The following SLC22A4 variants were observed in gnomAD, a reference collection of about 807,000 sequenced individuals.
The protein encoded by SLC22A4 is ET transporter.
In SLC22A4, 39 loss-of-function variants were observed where a neutral mutation model predicts 56.6. That is an observed-to-expected ratio of 0.69 (90% CI 0.53 to 0.90). SLC22A4 has a LOEUF of 0.90. Among genes scored for constraint, SLC22A4 ranks in the 40% least tolerant of loss-of-function variants. SLC22A4 has a pLI of 0.00. For missense variants in SLC22A4, 594 were observed against 696.5 expected (o/e 0.85, Z 1.66); for synonymous variants, 241 against 281.4 (o/e 0.86, Z 1.44).
chr5:132,294,559 T>TGA lies in SLC22A4; in HGVS notation c.-57_-56insAG. 25 of 1,612,430 alleles carry TGA rather than the reference T, an allele frequency of 1.6e-5. No homozygotes were observed. The highest frequency in any genetic ancestry group is 2.1e-5 in the Non-Finnish European group (25 of 1,179,260). ...GGGGAGCGCCCCAGCTACAAGACAC[T>TGA]GTCCTGAGAACGCTGTCATCACCCG... On this transcript the variant is annotated 5_prime_UTR_variant, in exon 1 of 10. Coordinates refer to ENST00000200652, the MANE Select transcript of SLC22A4 (RefSeq NM_003059.3). This position sits in a 1 kb window ranked among gnomAD's most constrained non-coding sequence, Gnocchi z 5.6.
chr5:132,327,452 TTTTATGGAATTTAACTTAA>T (rs1750719988), intron 5 of SLC22A4, 49 bp downstream of exon 5: 4 of 1,541,324 alleles, frequency 2.6e-6, no homozygotes, highest in Non-Finnish European at 3.6e-6. Flanking sequence ...GCATTCTTGA[TTTTATGGAATTTAACTTAA>T]TTCAATATTT....
chr5:132,295,005 C>T lies in SLC22A4; in HGVS notation c.389C>T (p.Thr130Ile), dbSNP rs1350334530. The change falls in exon 1 of 10, where the codon ACC (threonine) becomes ATC (isoleucine). Residue 130 changes from threonine to isoleucine, a missense_variant. Coordinates refer to ENST00000200652, the MANE Select transcript of SLC22A4 (RefSeq NM_003059.3). ...SQDVYLSTVVTEWNLVCEDNW... is the reference protein window; with the variant it reads ...SQDVYLSTVVIEWNLVCEDNW... ...GACGTCTACCTGTCCACCGTCGTGA[C>T]CGAGGTGGGTGCCAGGCCGAGACCG... The T allele has an allele frequency of 6.2e-7, 1 of 1,605,510 alleles. No individual in the cohort carries two copies. The highest frequency in any genetic ancestry group is 8.5e-7 in the Non-Finnish European group (1 of 1,176,734).
In SLC22A4 at chr5:132,323,578, C is replaced by A. The variant is rs139603432; in HGVS notation, c.824+1223C>A. Among the ~76,000 whole-genome samples, 21 of 152,324 alleles carry A rather than the reference C, an allele frequency of 1.4e-4. No homozygotes were observed. In the East Asian group the frequency reaches 3.7e-3, roughly 27 times the overall value. ...ATTCCTCTGGAACCCTGTCTGAGGACCGGGAAACCCGGCCTGAGGAGCAGT... is the reference window on the plus strand; with the variant it reads ...ATTCCTCTGGAACCCTGTCTGAGGAACGGGAAACCCGGCCTGAGGAGCAGT... On this transcript the variant is annotated intron_variant, in intron 4 of 9. Transcript: ENST00000200652.
intron 1 of SLC22A4, among the ~76,000 whole-genome samples, chr5:132,304,584 TC>T (rs1477229504): frequency 1.1e-4 from 17 of 152,220 alleles, no homozygotes; most frequent in African/African-American, 3.4e-4. Flanking sequence ...GCCACTGTAC[TC>T]TAGCTTGGGC....
rs1363033887 is a variant in SLC22A4, at chr5:132,313,764, A to G, written c.648A>G (p.Ile216Met). The G allele has an allele frequency of 1.2e-6, 2 of 1,613,960 alleles. No homozygotes were observed. Among genetic ancestry groups the G allele is most frequent in the Non-Finnish European group, 1.7e-6 (2 of 1,179,932 alleles). ...TCTCCAACTATGTGGTAGCCTTCAT[A>G]CTAGGTAGGAATGGCTTCTGGGACA... is the stretch of plus-strand genomic sequence containing the variant. ...GQISNYVVAF[I>M]LGTEILGKSV... Residue 216 changes from isoleucine to methionine, a missense_variant, in exon 3 of 10, where the codon ATA becomes ATG. Ile to Met is a conservative substitution (Grantham distance 10). Coordinates refer to ENST00000200652, the MANE Select transcript of SLC22A4 (RefSeq NM_003059.3).
At chr5:132,317,389 C>T (rs1750392485) in intron 3 of SLC22A4, among the ~76,000 whole-genome samples, 1 of 152,212 alleles carries the variant, frequency 6.6e-6, no homozygotes, top group Non-Finnish European at 1.5e-5. Context: ...TTACTTTCTG[C>T]CTTTAATGGA....
Position 132,334,846 on chromosome 5 carries a change from T to C in SLC22A4, c.1175T>C (p.Leu392Ser), listed in dbSNP as rs1406350613. The C allele has an allele frequency of 6.2e-7, 1 of 1,614,044 alleles. No homozygotes were observed. Among genetic ancestry groups the C allele is most frequent in the East Asian group, 2.2e-5 (1 of 44,890 alleles). Residue 392 changes from leucine to serine, a missense_variant, in exon 7 of 10, where the codon TTG (leucine) becomes TCG (serine). Coordinates refer to ENST00000200652, the MANE Select transcript of SLC22A4 (RefSeq NM_003059.3). ...IPAYITAWLL[L>S]RTLPRRYIIA... ...GCTTACATTACAGCCTGGCTGCTAT[T>C]GCGAACCCTGCCCAGGCGTTATATC...
At position 132,322,176 on chromosome 5, in the gene SLC22A4, T is replaced by C; in HGVS notation, c.653-8T>C. 6.2e-7 allele frequency: 1 copy of C among 1,611,748 alleles called. No individual in the cohort carries two copies. The highest frequency in any genetic ancestry group is 8.5e-7 in the Non-Finnish European group (1 of 1,178,624). On this transcript the variant is annotated splice_region_variant and splice_polypyrimidine_tract_variant and intron_variant, in intron 3 of 9. Transcript: ENST00000200652. The stretch of plus-strand genomic sequence containing the variant: ...AATATGCTAATACTCCTCCCTTGTT[T>C]TGAACAGGAACAGAAATTCTTGGCA...
intron 1 of SLC22A4, among the ~76,000 whole-genome samples, chr5:132,308,960 CAT>C (rs1158872160): frequency 2.0e-5 from 3 of 152,318 alleles, no homozygotes; most frequent in Admixed American, 6.5e-5. Context: ...TATGTACAAA[CAT>C]GTGCAGGGAC....
At position 132,294,796 on chromosome 5, in the gene SLC22A4, C is replaced by T; in HGVS notation, c.180C>T (p.Ser60=). 1 of 1,613,070 alleles carries T rather than the reference C, an allele frequency of 6.2e-7. No homozygotes were observed. Among genetic ancestry groups the T allele is most frequent in the Non-Finnish European group, 8.5e-7 (1 of 1,179,974 alleles). Residue 60 remains serine (S), a synonymous_variant, in exon 1 of 10, where the codon AGC becomes AGT. Coordinates refer to ENST00000200652, the MANE Select transcript of SLC22A4 (RefSeq NM_003059.3). This position sits in a 1 kb window ranked among gnomAD's most constrained non-coding sequence, Gnocchi z 5.6. ...TGCCGGACGCCGCGAACCTGAGCAG[C>T]GCCTGGCGCAACAACAGTGTCCCGC... ...CRVPDAANLS[S]AWRNNSVPLR...
At chr5:132,319,409 CT>C (rs1390975786) in intron 3 of SLC22A4, among the ~76,000 whole-genome samples, 1 of 152,070 alleles carries the variant, frequency 6.6e-6, no homozygotes, top group African/African-American at 2.4e-5. Flanking sequence ...TGAAGAACTG[CT>C]TTATAAGGCC....
At chr5:132,301,049 G>A (rs1231197772) in intron 1 of SLC22A4, among the ~76,000 whole-genome samples, 1 of 152,240 alleles carries the variant, frequency 6.6e-6, no homozygotes, top group Non-Finnish European at 1.5e-5. Flanking sequence ...CTCCTGCCCT[G>A]AGGCTAAAGG....
intron 9 of SLC22A4, among the ~76,000 whole-genome samples, chr5:132,342,376 T>G (rs767063035): frequency 2.6e-5 from 4 of 152,238 alleles, no homozygotes; most frequent in Non-Finnish European, 5.9e-5. Flanking sequence ...TTGTCCACAT[T>G]AATAAGGAAA....
Position 132,312,254 on chromosome 5 carries a change from CTGTCA to C in SLC22A4, c.488_492del (p.Leu163ArgfsTer115). On this transcript the variant is annotated frameshift_variant, in exon 2 of 10. Transcript: ENST00000200652. LOFTEE classifies it high-confidence loss of function. The stretch of plus-strand genomic sequence containing the variant: ...CCTCGGCTCCTTCGTGTCCGGGCAG[CTGTCA>C]GACAGGTAAGCACATGGGAGGGGAG... 6.2e-7 allele frequency: 1 copy of C among 1,610,290 alleles called. No individual in the cohort carries two copies. The highest frequency in any genetic ancestry group is 8.5e-7 in the Non-Finnish European group (1 of 1,176,528).
At chr5:132,324,438 G>C (rs912743971) in intron 4 of SLC22A4, 17 of 466,046 alleles carry the variant, frequency 3.6e-5, no homozygotes, top group Non-Finnish European at 5.3e-5. Context: ...GCCCTAAGGA[G>C]AGCTTTTTCT....
intron 1 of SLC22A4, among the ~76,000 whole-genome samples, chr5:132,298,480 G>A (rs552123703): frequency 2.0e-4 from 30 of 152,348 alleles, no homozygotes; most frequent in South Asian, 8.3e-4. Flanking sequence ...GTAGGGAGTC[G>A]TTGTTTCATG....
chr5:132,324,587 C>T (rs976982701), intron 4 of SLC22A4: 4 of 471,048 alleles, frequency 8.5e-6, no homozygotes, highest in Non-Finnish European at 8.8e-6. Flanking sequence ...TACCAGTGGT[C>T]TTACCATTTT....
intron 2 of SLC22A4, 35 bp downstream of exon 2, chr5:132,312,299 G>A: frequency 7.7e-7 from 1 of 1,294,876 alleles, no homozygotes; most frequent in Non-Finnish European, 1.1e-6. Flanking sequence ...GTGGGATGGT[G>A]CCCCTTGTCA....
At position 132,309,548 on chromosome 5, in the gene SLC22A4, C is replaced by T. The variant is rs151073033; in HGVS notation, c.394-2613C>T. Among the ~76,000 whole-genome samples the T allele has an allele frequency of 7.4e-4, 113 of 152,328 alleles. 2 individuals carry two copies. In the South Asian group the frequency reaches 8.7e-3, roughly 12 times the overall value. ...GGAGAATGATGGGAGATGGCCCTCA[C>T]CTCACCCCCCTTCCCAGTGTCCCCA... is the stretch of plus-strand genomic sequence containing the variant. On this transcript the variant is annotated intron_variant, in intron 1 of 9. Transcript: ENST00000200652.
Sources: allele counts gnomAD v4.1 joint callset (sites outside exome capture counted in the v4.1 genomes callset), GRCh38; gene constraint gnomAD v4.1.1; non-coding constraint Gnocchi (gnomAD v3.1); transcripts MANE v1.5; gene names NCBI Gene and HGNC (gene_info 2026-07-23, HGNC 2026-07-21).